SH3D19: variants seen among roughly 807,000 people sequenced by gnomAD.
The protein encoded by SH3D19 is SH3 domain containing 19.
Under a neutral mutation model 112.1 loss-of-function variants are expected in SH3D19, and 58 were observed. That is an observed-to-expected ratio of 0.52 (90% CI 0.42 to 0.64). The LOEUF is 0.64. Ranked by LOEUF, SH3D19 falls within the 30% of genes least tolerant of loss-of-function variation. The probability of loss-of-function intolerance (pLI) is 0.00; values close to 1 mark genes in which losing one functional copy is unlikely to be tolerated. For missense variants in SH3D19, 1,090 were observed against 1,263.4 expected, an observed-to-expected ratio of 0.86 and a Z score of 2.08; for synonymous variants, 391 against 448.5, an observed-to-expected ratio of 0.87 and a Z score of 1.62.
At chr4:151,211,126 C>T (rs2149907037) in intron 2 of SH3D19, among the ~76,000 whole-genome samples, 1 of 152,154 alleles carries the variant, frequency 6.6e-6, no homozygotes, top group South Asian at 2.1e-4. Flanking sequence ...CAAAATTAGC[C>T]AAGCGTGGTG....
At chr4:151,173,129 T>G (rs577542371) in intron 7 of SH3D19, among the ~76,000 whole-genome samples, 1 of 152,272 alleles carries the variant, frequency 6.6e-6, no homozygotes, top group South Asian at 2.1e-4. Context: ...CAAAATAAAT[T>G]CTCAGCAATT....
chr4:151,215,859 T>C (rs1167019035), intron 2 of SH3D19, among the ~76,000 whole-genome samples: 1 of 151,758 alleles, frequency 6.6e-6, no homozygotes, highest in Non-Finnish European at 1.5e-5. Flanking sequence ...GGAGTCTTGC[T>C]CTGTTGCCCA....
Position 151,291,477 on chromosome 4 carries a change from C to A in SH3D19, c.112+33764G>T, listed in dbSNP as rs181109910. ...AACTCACAGGAGAGCCACTGCTAAC[C>A]CTGGGTGACTTTATTTACAATTTGA... is the stretch of plus-strand genomic sequence containing the variant. On this transcript the variant is annotated intron_variant, in intron 1 of 19. Coordinates refer to ENST00000604030, the MANE Select transcript of SH3D19 (RefSeq NM_001378122.1). 2.4e-5 allele frequency: 35 copies of A among 1,444,076 alleles called. No individual in the cohort carries two copies. The East Asian group carries it at 7.6e-4, about 31-fold the overall frequency. 89.5% of individuals were successfully genotyped at this position (1,444,076 alleles called of 1,614,324 possible).
intron 2 of SH3D19, among the ~76,000 whole-genome samples, chr4:151,189,500 C>A (rs765625008): frequency 4.6e-5 from 7 of 152,090 alleles, no homozygotes; most frequent in Non-Finnish European, 7.4e-5. Flanking sequence ...CCCACAATTC[C>A]GTGTCGTGGG....
chr4:151,137,582 G>A, intron 14 of SH3D19, 150 bp downstream of exon 14: 1 of 577,304 alleles, frequency 1.7e-6, no homozygotes, highest in Non-Finnish European at 2.9e-6. Flanking sequence ...TCACCTAGTT[G>A]ACCAAATCTT....
chr4:151,190,384 G>A (rs894874428), intron 2 of SH3D19, among the ~76,000 whole-genome samples: 1 of 152,196 alleles, frequency 6.6e-6, no homozygotes, highest in Non-Finnish European at 1.5e-5. Flanking sequence ...ACACTATGGG[G>A]AGAATGTCTC....
chr4:151,311,238 T>C (rs1178008449), intron 1 of SH3D19, among the ~76,000 whole-genome samples: 1 of 149,244 alleles, frequency 6.7e-6, no homozygotes, highest in African/African-American at 2.5e-5. Flanking sequence ...AAAATTATTA[T>C]AATAATAATT....
At chr4:151,297,264 A>G (rs1053392654) in intron 1 of SH3D19, among the ~76,000 whole-genome samples, 1 of 152,218 alleles carries the variant, frequency 6.6e-6, no homozygotes, top group Non-Finnish European at 1.5e-5. Flanking sequence ...CAACCAACCT[A>G]AATTCTCTCC....
chr4:151,175,967 C>T (rs1455987987), intron 6 of SH3D19, among the ~76,000 whole-genome samples: 1 of 151,954 alleles, frequency 6.6e-6, no homozygotes, highest in Non-Finnish European at 1.5e-5. Flanking sequence ...CCCTCCAGTG[C>T]TCAAGCGATC....
At chr4:151,233,035 A>C (rs1247362997) in intron 1 of SH3D19, among the ~76,000 whole-genome samples, 1 of 152,086 alleles carries the variant, frequency 6.6e-6, no homozygotes, top group African/African-American at 2.4e-5. Flanking sequence ...ACTGTCAGAT[A>C]AGCATCCACA....
At chr4:151,178,648 T>C (rs1053705788) in intron 4 of SH3D19, among the ~76,000 whole-genome samples, 18 of 152,208 alleles carry the variant, frequency 1.2e-4, no homozygotes, top group Non-Finnish European at 2.1e-4. Flanking sequence ...CAAGGTCACA[T>C]GGTAGGAAAG....
At chr4:151,217,469 G>A (rs1375794521) in intron 2 of SH3D19, among the ~76,000 whole-genome samples, 1 of 152,142 alleles carries the variant, frequency 6.6e-6, no homozygotes, top group Admixed American at 6.5e-5. Flanking sequence ...TATTCTGCAT[G>A]TTGAGTTTCA....
At chr4:151,314,776 T>C (rs953626589) in intron 1 of SH3D19, among the ~76,000 whole-genome samples, 3 of 152,228 alleles carry the variant, frequency 2.0e-5, no homozygotes, top group Non-Finnish European at 2.9e-5. Flanking sequence ...CAGCAGGGAC[T>C]GCAGGGCCAT....
intron 1 of SH3D19, among the ~76,000 whole-genome samples, chr4:151,268,145 T>C (rs1772952289): frequency 1.3e-5 from 2 of 152,232 alleles, no homozygotes; most frequent in African/African-American, 4.8e-5. Context: ...TATAGTCTAT[T>C]GCTCATAGGC....
chr4:151,254,783 C>G (rs1771688908), intron 1 of SH3D19, among the ~76,000 whole-genome samples: 1 of 151,540 alleles, frequency 6.6e-6, no homozygotes, highest in East Asian at 1.9e-4. Context: ...TCCCGCCTTT[C>G]TATTCCACAA....
chr4:151,281,972 C>T (rs932735927), intron 1 of SH3D19, among the ~76,000 whole-genome samples: 8 of 151,850 alleles, frequency 5.3e-5, no homozygotes, highest in Non-Finnish European at 8.8e-5. Context: ...CAGGGAAGGA[C>T]GGGGAGAAAG....
At chr4:151,293,616 C>T (rs1357990414) in intron 1 of SH3D19, among the ~76,000 whole-genome samples, 1 of 152,188 alleles carries the variant, frequency 6.6e-6, no homozygotes, top group African/African-American at 2.4e-5. Flanking sequence ...CTTCCATTTA[C>T]ACCCAACTCC....
intron 18 of SH3D19, 110 bp downstream of exon 18, chr4:151,128,060 A>G: frequency 1.2e-6 from 1 of 868,296 alleles, no homozygotes; most frequent in Non-Finnish European, 1.6e-6. Flanking sequence ...CAGCTCTTTC[A>G]AATATAGACA....
At position 151,216,877 on chromosome 4, in the gene SH3D19, CTGTGTGTGTGTGTGTG is replaced by C. The variant is rs34575245; in HGVS notation, c.152+9154_152+9169del. Among the ~76,000 whole-genome samples, 1,047 of 140,868 alleles carry C rather than the reference CTGTGTGTGTGTGTGTG, an allele frequency of 7.4e-3. 12 individuals carry two copies. Among genetic ancestry groups the C allele is most frequent in the African/African-American group, 0.015 (561 of 38,554 alleles). 92.4% of individuals were successfully genotyped at this position (140,868 alleles called of 152,430 possible). ...TTCTGAAAACCACAACAAAACAACACTGTGTGTGTGTGTGTGTGTGTGTGTGTGTGTGTGTGTGTGT... is the reference window on the plus strand; with the variant it reads ...TTCTGAAAACCACAACAAAACAACACTGTGTGTGTGTGTGTGTGTGTGTGT... On this transcript the variant is annotated intron_variant, in intron 2 of 19. Transcript: ENST00000604030.
Sources: gnomAD v4.1 joint callset for allele counts (sites outside exome capture counted in the v4.1 genomes callset) on GRCh38, gnomAD v4.1.1 for gene constraint, MANE v1.5 for transcripts, NCBI Gene and HGNC (gene_info 2026-07-23, HGNC 2026-07-21) for gene names.